The following RNF180 variants were observed in gnomAD, a reference collection of about 807,000 sequenced individuals.
The protein encoded by RNF180 is ring finger protein 180.
A neutral mutation model predicts 59.2 loss-of-function variants in RNF180; 38 were observed. The observed-to-expected ratio is 0.64, with a 90% confidence interval of 0.50 to 0.84. RNF180 has a LOEUF of 0.84. Among genes scored for constraint, RNF180 ranks in the 40% least tolerant of loss-of-function variants. The pLI is 0.00. For missense variants in RNF180, 705 were observed against 700.9 expected, an observed-to-expected ratio of 1.01 and a Z score of -0.07; for synonymous variants, 262 against 240.3, an observed-to-expected ratio of 1.09 and a Z score of -0.84.
intron 1 of RNF180, among the ~76,000 whole-genome samples, chr5:64,183,665 C>T (rs1457749442): frequency 6.6e-6 from 1 of 152,040 alleles, no homozygotes; most frequent in Non-Finnish European, 1.5e-5. Context: ...CCAGGCTTGT[C>T]TTGAATTCTT....
At chr5:64,316,241 C>T (rs1185627304) in intron 5 of RNF180, among the ~76,000 whole-genome samples, 3 of 152,154 alleles carry the variant, frequency 2.0e-5, no homozygotes, top group Non-Finnish European at 2.9e-5. Context: ...CTTTTGCCCT[C>T]ATTAATCCTC....
At chr5:64,252,264 A>C (rs769741873) in intron 5 of RNF180, among the ~76,000 whole-genome samples, 2 of 152,182 alleles carry the variant, frequency 1.3e-5, no homozygotes, top group Non-Finnish European at 2.9e-5. Flanking sequence ...AGGTGCCAAG[A>C]ACACACAACA....
At chr5:64,297,430 CG>C (rs1554040898) in intron 5 of RNF180, among the ~76,000 whole-genome samples, 6 of 151,774 alleles carry the variant, frequency 4.0e-5, no homozygotes, top group Non-Finnish European at 4.4e-5. Flanking sequence ...AAATTTGGCT[CG>C]AGTTTCAATT....
chr5:64,349,525 C>A (rs1745697821), intron 7 of RNF180, among the ~76,000 whole-genome samples: 2 of 151,634 alleles, frequency 1.3e-5, no homozygotes, highest in South Asian at 2.1e-4. Context: ...TGGTGTGCTG[C>A]ACCCATTAAC....
chr5:64,216,969 T>G (rs1357485077), intron 4 of RNF180, among the ~76,000 whole-genome samples: 1 of 152,228 alleles, frequency 6.6e-6, no homozygotes, highest in Non-Finnish European at 1.5e-5. Flanking sequence ...CAAAACTCTC[T>G]TGTGCTATAT....
chr5:64,182,557 T>C (rs2111955425), intron 1 of RNF180, among the ~76,000 whole-genome samples: 1 of 152,318 alleles, frequency 6.6e-6, no homozygotes, highest in East Asian at 1.9e-4. Flanking sequence ...GCTGTTTTAG[T>C]ATTATAAGCT....
intron 6 of RNF180, among the ~76,000 whole-genome samples, chr5:64,329,847 C>T (rs962670327): frequency 1.1e-4 from 17 of 152,206 alleles, no homozygotes; most frequent in East Asian, 1.9e-4. Flanking sequence ...ATCTGACAGG[C>T]GGCAGAGCTC....
Position 64,174,471 on chromosome 5 carries a change from A to AT in RNF180, c.-1+8527dup, listed in dbSNP as rs1264146288. On this transcript the variant is annotated intron_variant, in intron 1 of 7. Coordinates refer to ENST00000389100, the MANE Select transcript of RNF180 (RefSeq NM_001113561.2). ...CTTCATATACATTCCAGCATTTGTT[A>AT]TTTTTTTTTCTTTTTGATAACAGCC... Among the ~76,000 whole-genome samples, 371 of 151,082 alleles carry AT rather than the reference A, an allele frequency of 2.5e-3. 1 individual carries two copies. Among genetic ancestry groups the AT allele is most frequent in the African/African-American group, 8.4e-3 (348 of 41,206 alleles).
intron 7 of RNF180, among the ~76,000 whole-genome samples, chr5:64,365,964 A>G (rs1746432487): frequency 6.6e-6 from 1 of 151,400 alleles, no homozygotes; most frequent in South Asian, 2.1e-4. Flanking sequence ...GGTATTTAGC[A>G]TATTTACATT....
At chr5:64,334,048 A>G (rs942117573) in intron 7 of RNF180, among the ~76,000 whole-genome samples, 1 of 152,220 alleles carries the variant, frequency 6.6e-6, no homozygotes, top group Non-Finnish European at 1.5e-5. Flanking sequence ...ACACTGGTCC[A>G]GGGCCACATA....
At chr5:64,228,361 A>G (rs939929325) in intron 5 of RNF180, among the ~76,000 whole-genome samples, 1 of 152,070 alleles carries the variant, frequency 6.6e-6, no homozygotes, top group Non-Finnish European at 1.5e-5. Flanking sequence ...CAAAAAATGT[A>G]TACTTAGCTG....
intron 1 of RNF180, among the ~76,000 whole-genome samples, chr5:64,169,856 C>T (rs561965351): frequency 2.6e-4 from 39 of 152,328 alleles, no homozygotes; most frequent in Admixed American, 2.0e-3. Context: ...GAGGCTATTT[C>T]GCGGGATAAA....
In RNF180 at chr5:64,213,783, C is replaced by G; in HGVS notation, c.457C>G (p.Leu153Val). The G allele has an allele frequency of 6.2e-7, 1 of 1,614,176 alleles. No individual in the cohort carries two copies. The highest frequency in any genetic ancestry group is 8.5e-7 in the Non-Finnish European group (1 of 1,180,022). The change falls in exon 4 of 8, where the codon CTG (leucine) becomes GTG (valine). Residue 153 changes from leucine (L) to valine (V), a missense_variant. Physicochemically the swap from Leu to Val is conservative, Grantham distance 32. Transcript: ENST00000389100. Reference sequence around the variant, plus strand: ...GTCAGGTTGTGACAAGGAAGCTCTGCTGACAGGTGGTGGCTCTGAAAACAG... The same window carrying G: ...GTCAGGTTGTGACAAGGAAGCTCTGGTGACAGGTGGTGGCTCTGAAAACAG... ...VQSGCDKEAL[L>V]TGGGSENRNH...
intron 5 of RNF180, among the ~76,000 whole-genome samples, chr5:64,229,481 G>A (rs570733831): frequency 2.6e-5 from 4 of 152,264 alleles, no homozygotes; most frequent in East Asian, 1.9e-4. Context: ...AACCAAAAAC[G>A]TAAGAGATTT....
intron 1 of RNF180, among the ~76,000 whole-genome samples, chr5:64,167,087 C>T (rs1327922005): frequency 6.6e-6 from 1 of 152,188 alleles, no homozygotes; most frequent in African/African-American, 2.4e-5. Flanking sequence ...TTTTATCTGT[C>T]AGACTTTCGT....
chr5:64,195,977 G>A (rs1255407449), intron 1 of RNF180, among the ~76,000 whole-genome samples: 1 of 152,118 alleles, frequency 6.6e-6, no homozygotes, highest in East Asian at 1.9e-4. Flanking sequence ...ACAGATATGG[G>A]GAGAGCTTGC....
chr5:64,355,103 A>C (rs1391088294), intron 7 of RNF180, among the ~76,000 whole-genome samples: 1 of 151,912 alleles, frequency 6.6e-6, no homozygotes, highest in Non-Finnish European at 1.5e-5. Flanking sequence ...TAAATAAATA[A>C]AAGGCATCCA....
intron 1 of RNF180, among the ~76,000 whole-genome samples, chr5:64,186,648 A>T (rs1157306774): frequency 6.6e-6 from 1 of 152,086 alleles, no homozygotes; most frequent in East Asian, 1.9e-4. Context: ...TCCTGATTTT[A>T]TTTTCTTCTT....
At chr5:64,297,348 C>A (rs535291821) in intron 5 of RNF180, among the ~76,000 whole-genome samples, 1 of 152,088 alleles carries the variant, frequency 6.6e-6, no homozygotes, top group South Asian at 2.1e-4. Context: ...CCTATATGTC[C>A]AGTCTATTCT....
Sources: gnomAD v4.1 joint callset for allele counts (sites outside exome capture counted in the v4.1 genomes callset) on GRCh38, gnomAD v4.1.1 for gene constraint, MANE v1.5 for transcripts, NCBI Gene and HGNC (gene_info 2026-07-23, HGNC 2026-07-21) for gene names.